The following ATP10B variants were observed in gnomAD, a reference collection of about 807,000 sequenced individuals.
The protein encoded by ATP10B is ATPase phospholipid transporting 10B (putative).
A neutral mutation model predicts 141.2 loss-of-function variants in ATP10B; 122 were observed. The observed-to-expected ratio is 0.86, with a 90% CI of 0.75 to 1.00. The LOEUF (loss-of-function observed/expected upper bound fraction) is 1.00, where lower values mean the gene tolerates loss of function less well. Ranked by LOEUF, ATP10B falls within the 50% of genes least tolerant of loss-of-function variation. The pLI, the probability that ATP10B is intolerant of heterozygous loss-of-function variation, is 0.00. For synonymous variants in ATP10B, 685 were observed against 692.0 expected, an observed-to-expected ratio of 0.99 and a Z score of 0.16; for missense variants, 1,876 against 1,825.3, an observed-to-expected ratio of 1.03 and a Z score of -0.51.
chr5:160,907,743 G>A, the ATP10B span, among the ~76,000 whole-genome samples: 3 of 152,210 alleles, frequency 2.0e-5, no homozygotes, highest in East Asian at 5.8e-4. Flanking sequence ...TAAAGAGGTT[G>A]AGTGACCTCT....
intron 2 of ATP10B, among the ~76,000 whole-genome samples, chr5:160,773,811 GCAGA>G (rs1220347640): frequency 6.6e-6 from 1 of 151,576 alleles, no homozygotes; most frequent in Non-Finnish European, 1.5e-5. Context: ...CCTATGCCTG[GCAGA>G]CAGTCTTATT....
chr5:160,754,966 A>G (rs1768419874), intron 2 of ATP10B, among the ~76,000 whole-genome samples: 1 of 152,242 alleles, frequency 6.6e-6, no homozygotes, highest in South Asian at 2.1e-4. Flanking sequence ...AGCAAAGGGA[A>G]TACATTCTGA....
intron 1 of ATP10B, among the ~76,000 whole-genome samples, chr5:160,850,752 A>G (rs1753754556): frequency 6.6e-6 from 1 of 152,124 alleles, no homozygotes; most frequent in African/African-American, 2.4e-5. Context: ...ATCCACCCAT[A>G]TGTGATGTTA....
the ATP10B span, among the ~76,000 whole-genome samples, chr5:160,877,086 G>C: frequency 6.6e-6 from 1 of 152,096 alleles, no homozygotes; most frequent in Non-Finnish European, 1.5e-5. Flanking sequence ...AACCAAAAAA[G>C]AGAATTTTAG....
intron 25 of ATP10B, among the ~76,000 whole-genome samples, chr5:160,568,485 G>T (rs1325509580): frequency 6.6e-6 from 1 of 152,174 alleles, no homozygotes; most frequent in Non-Finnish European, 1.5e-5. Context: ...ATGATAAAAT[G>T]GCTTGATTGC....
chr5:160,897,437 T>A, the ATP10B span, among the ~76,000 whole-genome samples: 2 of 152,202 alleles, frequency 1.3e-5, no homozygotes. Flanking sequence ...GAACTCCCAT[T>A]CACAATTACT....
At chr5:160,631,654 A>G (rs1373283309) in intron 13 of ATP10B, among the ~76,000 whole-genome samples, 1 of 152,258 alleles carries the variant, frequency 6.6e-6, no homozygotes, top group African/African-American at 2.4e-5. Flanking sequence ...ATAGAAACAT[A>G]AGCATAACAA....
chr5:160,782,295 G>T (rs1043601618), intron 2 of ATP10B, among the ~76,000 whole-genome samples: 1 of 152,132 alleles, frequency 6.6e-6, no homozygotes, highest in African/African-American at 2.4e-5. Context: ...ACAGAGAGAC[G>T]TTGCTGAAGT....
At chr5:160,628,300 CG>C (rs1758715798) in intron 13 of ATP10B, among the ~76,000 whole-genome samples, 1 of 152,196 alleles carries the variant, frequency 6.6e-6, no homozygotes, top group Non-Finnish European at 1.5e-5. Context: ...CCCCCCACCC[CG>C]ATTTGAGACA....
At chr5:160,612,671 G>C in intron 18 of ATP10B, 70 bp downstream of exon 18, 1 of 1,381,520 alleles carries the variant, frequency 7.2e-7, no homozygotes. Flanking sequence ...CTAGAAGCCT[G>C]TGTCCTCTTG....
At chr5:160,753,659 T>C (rs1348908148) in intron 2 of ATP10B, among the ~76,000 whole-genome samples, 1 of 152,202 alleles carries the variant, frequency 6.6e-6, no homozygotes, top group African/African-American at 2.4e-5. Context: ...TCCCAACAGC[T>C]ATTATGTGGC....
At chr5:160,863,033 A>C in the ATP10B span, among the ~76,000 whole-genome samples, 2 of 151,990 alleles carry the variant, frequency 1.3e-5, no homozygotes, top group African/African-American at 4.8e-5. Flanking sequence ...TTCACCTCTA[A>C]ATATATGAGA....
intron 15 of ATP10B, among the ~76,000 whole-genome samples, chr5:160,619,203 G>T (rs1581210113): frequency 6.6e-6 from 1 of 152,216 alleles, no homozygotes; most frequent in East Asian, 1.9e-4. Context: ...TTACCTTCTT[G>T]CTAAGGCTGC....
At chr5:160,663,777 C>G (rs924926970) in intron 7 of ATP10B, among the ~76,000 whole-genome samples, 9 of 78,874 alleles carry the variant, frequency 1.1e-4, no homozygotes, top group Non-Finnish European at 2.0e-4. Context: ...TATCCTAAAA[C>G]TTAAAGTATA....
chr5:160,922,795 T>C, the ATP10B span, among the ~76,000 whole-genome samples: 1 of 152,194 alleles, frequency 6.6e-6, no homozygotes, highest in African/African-American at 2.4e-5. Context: ...ACACACAAGA[T>C]GGAGAAGATC....
At chr5:160,789,488 C>T (rs1771413686) in intron 1 of ATP10B, among the ~76,000 whole-genome samples, 1 of 151,976 alleles carries the variant, frequency 6.6e-6, no homozygotes, top group Non-Finnish European at 1.5e-5. Context: ...TGTATCTAAA[C>T]ATAGAAAAGT....
chr5:160,669,604 C>T (rs1240054219), intron 7 of ATP10B, among the ~76,000 whole-genome samples: 1 of 129,806 alleles, frequency 7.7e-6, no homozygotes. Context: ...GAGCCAGTCT[C>T]TCTCTTTTTT....
At position 160,622,579 on chromosome 5, in the gene ATP10B, C is replaced by T. The variant is rs56331948; in HGVS notation, c.1627G>A (p.Asp543Asn). 9.4e-5 allele frequency: 152 copies of T among 1,609,640 alleles called. No homozygotes were observed. The African/African-American group carries it at 1.9e-3, about 20-fold the overall frequency. The change falls in exon 14 of 26, where the codon GAT becomes AAT. Residue 543 changes from aspartate to asparagine, a missense_variant. Coordinates refer to ENST00000327245, the MANE Select transcript of ATP10B (RefSeq NM_025153.3). ...PVAFSSSIEKDVTPDKNLLTK... is the reference protein window; with the variant it reads ...PVAFSSSIEKNVTPDKNLLTK... Reference sequence around the variant, plus strand: ...AGTAGGTTTTTATCTGGAGTTACATCTTTTTCCTGGAAGAGAAAGGCCAGA... The same window carrying T: ...AGTAGGTTTTTATCTGGAGTTACATTTTTTTCCTGGAAGAGAAAGGCCAGA...
intron 24 of ATP10B, among the ~76,000 whole-genome samples, chr5:160,574,685 G>T (rs1419395979): frequency 6.6e-6 from 1 of 152,134 alleles, no homozygotes; most frequent in Non-Finnish European, 1.5e-5. Context: ...GAATGAATTA[G>T]ATGCCCTTAT....
Sources: allele counts gnomAD v4.1 joint callset (sites outside exome capture counted in the v4.1 genomes callset), GRCh38; gene constraint gnomAD v4.1.1; transcripts MANE v1.5; gene names NCBI Gene and HGNC (gene_info 2026-07-23, HGNC 2026-07-21).